Variants in FHIT observed in about 807,000 individuals in gnomAD.
The protein encoded by FHIT is fragile histidine triad diadenosine triphosphatase.
A neutral mutation model predicts 17.9 loss-of-function variants in FHIT; 19 were observed. The observed-to-expected ratio is 1.06, with a 90% confidence interval of 0.74 to 1.56. The LOEUF (loss-of-function observed/expected upper bound fraction) is 1.56. Ranked by LOEUF, FHIT falls within the 40% of genes most tolerant of loss-of-function variation. The pLI is 0.00. For synonymous variants in FHIT, 81 were observed against 69.7 expected (o/e 1.16, Z -0.81); for missense variants, 248 against 189.2 (o/e 1.31, Z -1.82).
chr3:60,492,575 C>T (rs1192882612), intron 5 of FHIT, among the ~76,000 whole-genome samples: 20 of 147,078 alleles, frequency 1.4e-4, no homozygotes, highest in South Asian at 2.2e-4. Flanking sequence ...GGTGTGATCT[C>T]GGCTCACTGC....
chr3:60,796,390 T>A (rs1020848129), intron 4 of FHIT, among the ~76,000 whole-genome samples: 3 of 152,224 alleles, frequency 2.0e-5, no homozygotes, highest in Non-Finnish European at 2.9e-5. Flanking sequence ...GTCAGATGCG[T>A]AATTCCTTTA....
chr3:60,842,659 T>A (rs2106872694), intron 3 of FHIT, among the ~76,000 whole-genome samples: 1 of 134,856 alleles, frequency 7.4e-6, no homozygotes, highest in African/African-American at 3.1e-5. Flanking sequence ...TTTTTTTTTT[T>A]TTTTTCCCTT....
At chr3:61,122,526 G>A (rs2036488751) in intron 2 of FHIT, among the ~76,000 whole-genome samples, 1 of 152,172 alleles carries the variant, frequency 6.6e-6, no homozygotes, top group South Asian at 2.1e-4. Context: ...AAACTAAAGA[G>A]CTTCTGCACA....
intron 5 of FHIT, among the ~76,000 whole-genome samples, chr3:60,122,423 T>C (rs1270445607): frequency 6.6e-6 from 1 of 152,164 alleles, no homozygotes; most frequent in African/African-American, 2.4e-5. Flanking sequence ...GGGCAAGATT[T>C]GTTTTGCTAG....
intron 5 of FHIT, among the ~76,000 whole-genome samples, chr3:60,219,479 T>C (rs906042418): frequency 2.6e-5 from 4 of 152,170 alleles, no homozygotes; most frequent in African/African-American, 7.2e-5. Flanking sequence ...AATTGAGTTA[T>C]TGGGTCTGAC....
chr3:60,600,181 C>T (rs189042757), intron 4 of FHIT, among the ~76,000 whole-genome samples: 177 of 152,268 alleles, frequency 1.2e-3, no homozygotes, highest in Admixed American at 0.01. Context: ...CAGATCCATC[C>T]TGCTAAAGGC....
At chr3:60,624,689 G>A (rs1316140629) in intron 4 of FHIT, among the ~76,000 whole-genome samples, 1 of 152,106 alleles carries the variant, frequency 6.6e-6, no homozygotes, top group African/African-American at 2.4e-5. Context: ...ATGTGTCTGT[G>A]GTAGGCCTGA....
chr3:59,788,746 C>T (rs375772570), intron 8 of FHIT, among the ~76,000 whole-genome samples: 8 of 152,106 alleles, frequency 5.3e-5, no homozygotes, highest in Admixed American at 4.6e-4. Context: ...ATTAACCTGC[C>T]ACCCACATCT....
At chr3:60,944,239 G>A (rs375714055) in intron 3 of FHIT, among the ~76,000 whole-genome samples, 1 of 152,146 alleles carries the variant, frequency 6.6e-6, no homozygotes, top group African/African-American at 2.4e-5. Context: ...ATATGCTTTA[G>A]GTTTTTATGG....
intron 1 of FHIT, among the ~76,000 whole-genome samples, chr3:61,216,909 C>T (rs944970454): frequency 6.6e-6 from 1 of 151,466 alleles, no homozygotes; most frequent in African/African-American, 2.4e-5. Context: ...AAACCAAACA[C>T]CGCATGTTCT....
At chr3:60,422,247 T>C (rs1051195666) in intron 5 of FHIT, among the ~76,000 whole-genome samples, 1 of 152,220 alleles carries the variant, frequency 6.6e-6, no homozygotes, top group African/African-American at 2.4e-5. Flanking sequence ...TTCCAAAGAT[T>C]TGCACACAGA....
chr3:60,970,443 T>TAATTATTTTAAATAGA (rs1709958583), intron 3 of FHIT, among the ~76,000 whole-genome samples: 3 of 152,152 alleles, frequency 2.0e-5, no homozygotes, highest in Non-Finnish European at 4.4e-5. Flanking sequence ...TAGAAGTATT[T>TAATTATTTTAAATAGA]AGTGTTTTGT....
At chr3:61,207,316 G>C (rs1409110251) in intron 1 of FHIT, among the ~76,000 whole-genome samples, 2 of 152,138 alleles carry the variant, frequency 1.3e-5, no homozygotes, top group Non-Finnish European at 2.9e-5. Context: ...TTTGGTATCA[G>C]GATGATGCTG....
intron 5 of FHIT, among the ~76,000 whole-genome samples, chr3:60,462,794 C>T (rs987052312): frequency 2.6e-5 from 4 of 152,188 alleles, no homozygotes; most frequent in Non-Finnish European, 5.9e-5. Flanking sequence ...TGAGGGCATG[C>T]TGCAGGGAGA....
chr3:60,068,667 C>T (rs1314309733), intron 5 of FHIT, among the ~76,000 whole-genome samples: 1 of 152,186 alleles, frequency 6.6e-6, no homozygotes, highest in African/African-American at 2.4e-5. Flanking sequence ...AGAGGAAATA[C>T]TTGATTTCAT....
At chr3:60,061,728 T>C (rs563281016) in intron 5 of FHIT, among the ~76,000 whole-genome samples, 197 of 152,308 alleles carry the variant, frequency 1.3e-3, no homozygotes, top group Middle Eastern at 6.8e-3. Context: ...AAACAAACAT[T>C]TCACTGTTAT....
intron 5 of FHIT, among the ~76,000 whole-genome samples, chr3:60,267,569 G>A (rs539841932): frequency 6.6e-6 from 1 of 152,016 alleles, no homozygotes; most frequent in South Asian, 2.1e-4. Flanking sequence ...AGGTCTCCAC[G>A]GGCCTCTGAA....
chr3:60,377,716 C>T (rs1459371129), intron 5 of FHIT, among the ~76,000 whole-genome samples: 1 of 144,906 alleles, frequency 6.9e-6, no homozygotes, highest in Non-Finnish European at 1.5e-5. Context: ...CTCCTGACCT[C>T]GTGATCCACC....
chr3:60,492,559 T>C (rs1576753086), intron 5 of FHIT, among the ~76,000 whole-genome samples: 2 of 149,670 alleles, frequency 1.3e-5, no homozygotes, highest in Admixed American at 1.3e-4. Flanking sequence ...CAGGCTGGAG[T>C]GCAATGGTGT....
Sources: gnomAD v4.1 joint callset for allele counts (sites outside exome capture counted in the v4.1 genomes callset) on GRCh38, gnomAD v4.1.1 for gene constraint, MANE v1.5 for transcripts, NCBI Gene and HGNC (gene_info 2026-07-23, HGNC 2026-07-21) for gene names.